The following DMD variants were observed in gnomAD, a reference collection of about 807,000 sequenced individuals.
DMD encodes mutant dystrophin.
A neutral mutation model predicts 330.1 loss-of-function variants in DMD; 63 were observed. The observed-to-expected ratio is 0.19, with a 90% CI of 0.16 to 0.24. The LOEUF is 0.24. DMD is among the 10% of genes least tolerant of loss of function. The probability of loss-of-function intolerance (pLI) is 1.00; values close to 1 mark genes in which losing one functional copy is unlikely to be tolerated. For synonymous variants in DMD, 1,223 were observed against 959.8 expected (o/e 1.27, Z -5.07); for missense variants, 3,344 against 2,684.1 (o/e 1.25, Z -5.43).
chrX:33,276,110 A>G (rs1449714884), intron 1 of DMD, among the ~76,000 whole-genome samples: 1 of 111,704 alleles, frequency 9.0e-6, no homozygotes, highest in African/African-American at 3.3e-5. Context: ...CAGGCTTGGA[A>G]TTCAAGAGAT....
intron 11 of DMD, chrX:32,641,434 A>ATATATC (rs1569367064): frequency 8.8e-6 from 1 of 114,111 alleles, no homozygotes; most frequent in African/African-American, 3.6e-5. Context: ...ATATATATAT[A>ATATATC]TATCTCACAA....
At chrX:32,288,637 C>G (rs1005636049) in intron 42 of DMD, among the ~76,000 whole-genome samples, 21 of 111,910 alleles carry the variant, frequency 1.9e-4, no homozygotes, top group African/African-American at 6.5e-4. Context: ...TCTGGTGGCT[C>G]TTCATCACAG....
intron 7 of DMD, among the ~76,000 whole-genome samples, chrX:32,705,928 T>C (rs1411378947): frequency 9.1e-6 from 1 of 109,970 alleles, no homozygotes; most frequent in Non-Finnish European, 1.9e-5. Context: ...CATGCACACG[T>C]ATGTTTACTG....
At position 31,267,966 on chromosome X, in the gene DMD, CTTTT is replaced by C. The variant is rs370492874; in HGVS notation, c.9225-6954_9225-6951del. On this transcript the variant is annotated intron_variant, in intron 62 of 78. Coordinates refer to ENST00000357033, the MANE Select transcript of DMD (RefSeq NM_004006.3). ...CCATTTATTTTGTTGGCTTGCTTTT[CTTTT>C]TATTTTCTTTCAAACATTTGCTTTC... is the stretch of plus-strand genomic sequence containing the variant. 7.4e-3 allele frequency among the ~76,000 whole-genome samples: 833 copies of C among 112,475 alleles called. 9 individuals carry two copies. The highest frequency in any genetic ancestry group is 0.025 in the African/African-American group (784 of 30,986).
chrX:31,596,483 C>T (rs1330600284), intron 55 of DMD, among the ~76,000 whole-genome samples: 3 of 111,604 alleles, frequency 2.7e-5, no homozygotes, highest in Non-Finnish European at 3.8e-5. Flanking sequence ...GAAACACTAA[C>T]GAGAATTGAG....
intron 52 of DMD, among the ~76,000 whole-genome samples, chrX:31,684,087 G>C (rs1268749715): frequency 1.8e-5 from 2 of 111,961 alleles, no homozygotes; most frequent in Admixed American, 9.5e-5. Flanking sequence ...CATGCCAAAA[G>C]TATCCATTGG....
At chrX:33,270,414 C>G (rs989969453) in intron 1 of DMD, among the ~76,000 whole-genome samples, 4 of 111,389 alleles carry the variant, frequency 3.6e-5, no homozygotes, top group African/African-American at 6.5e-5. Context: ...CTAAAAATCA[C>G]CAGGGCTGAG....
chrX:32,971,009 T>C (rs2092358319), intron 2 of DMD, among the ~76,000 whole-genome samples: 1 of 110,432 alleles, frequency 9.1e-6, no homozygotes, highest in African/African-American at 3.3e-5. Context: ...TTGCCCAGGC[T>C]GGAGTGCAGT....
At chrX:33,196,354 G>A (rs2050938307) in intron 1 of DMD, among the ~76,000 whole-genome samples, 1 of 111,385 alleles carries the variant, frequency 9.0e-6, no homozygotes, top group Non-Finnish European at 1.9e-5. Flanking sequence ...GAAAGACCTT[G>A]TACGTTAGGA....
chrX:32,419,260 C>A (rs2098179623), intron 29 of DMD, among the ~76,000 whole-genome samples: 2 of 111,683 alleles, frequency 1.8e-5, no homozygotes, highest in East Asian at 2.8e-4. Flanking sequence ...TAATTTACAA[C>A]AGAAGAAATA....
At chrX:32,082,280 A>G (rs1466855497) in intron 44 of DMD, among the ~76,000 whole-genome samples, 1 of 111,051 alleles carries the variant, frequency 9.0e-6, no homozygotes, top group African/African-American at 3.3e-5. Flanking sequence ...GCTGGAGTGC[A>G]GTGGCAGGAG....
rs1449081760 is a variant in DMD, at chrX:32,404,306, G to A, written c.4233+7446C>T. The stretch of plus-strand genomic sequence containing the variant: ...AAAAGAGAAGGAGGAAGTCTGGTCT[G>A]TAGTGGACTCTGGAACACCTGACGT... On this transcript the variant is annotated intron_variant, in intron 30 of 78. Transcript: ENST00000357033. Among the ~76,000 whole-genome samples, 4 of 111,654 alleles carry A rather than the reference G, an allele frequency of 3.6e-5. No homozygotes were observed. In the East Asian group the frequency reaches 1.1e-3, roughly 31 times the overall value.
intron 2 of DMD, among the ~76,000 whole-genome samples, chrX:32,999,960 T>G (rs1355669177): frequency 8.9e-6 from 1 of 112,530 alleles, no homozygotes; most frequent in Non-Finnish European, 1.9e-5. Context: ...TTTTGATCAC[T>G]CTCCCATGTA....
At position 32,627,152 on chromosome X, in the gene DMD, C is replaced by G. The variant is rs1224719359; in HGVS notation, c.1332-12699G>C. Among the ~76,000 whole-genome samples the G allele has an allele frequency of 1.1e-3, 64 of 60,389 alleles. 6 individuals carry two copies. Among genetic ancestry groups the G allele is most frequent in the African/African-American group, 2.9e-3 (36 of 12,341 alleles). 52.4% of individuals were successfully genotyped at this position (60,389 alleles called of 115,157 possible). A position where few individuals can be genotyped will look rare whatever the true frequency, so the allele number is the denominator to read the frequency against. ...GAACGATTGTGCCTCTTCCCCGCCCCCCCCCCCGCCCCAGGACACAGCCAT... is the reference window on the plus strand; with the variant it reads ...GAACGATTGTGCCTCTTCCCCGCCCGCCCCCCCGCCCCAGGACACAGCCAT... On this transcript the variant is annotated intron_variant, in intron 11 of 78. Transcript: ENST00000357033.
At chrX:31,601,905 T>C (rs566041759) in intron 55 of DMD, among the ~76,000 whole-genome samples, 1 of 111,205 alleles carries the variant, frequency 9.0e-6, no homozygotes, top group East Asian at 2.8e-4. Context: ...CAAGGCACTG[T>C]AGTATGATAT....
chrX:32,721,175 G>A (rs1274902840), intron 7 of DMD, among the ~76,000 whole-genome samples: 1 of 110,565 alleles, frequency 9.0e-6, no homozygotes, highest in Non-Finnish European at 1.9e-5. Flanking sequence ...TGAGAGTAAG[G>A]CTATCTCCAC....
intron 62 of DMD, among the ~76,000 whole-genome samples, chrX:31,298,505 A>G (rs781179499): frequency 1.2e-4 from 13 of 111,271 alleles, no homozygotes; most frequent in African/African-American, 2.3e-4. Flanking sequence ...ATTGTTCTCT[A>G]TTTGACTCCT....
rs1569548695 is a variant in DMD at position 33,008,830 on chromosome X, A to ATATATACACATATATGTATACGTG, written c.93+11308_93+11309insCACGTATACATATATGTGTATATA. Among the ~76,000 whole-genome samples, 471 of 61,462 alleles carry ATATATACACATATATGTATACGTG rather than the reference A, an allele frequency of 7.7e-3. 33 individuals carry two copies. The highest frequency in any genetic ancestry group is 0.03 in the African/African-American group (418 of 14,017). The allele number at this position is 61,462 out of a possible 115,157, so 53.4% of individuals were successfully genotyped here. ...TATATATACACATAAATGTATACGT[A>ATATATACACATATATGTATACGTG]TATATATACACATATATGTATACGT... On this transcript the variant is annotated intron_variant, in intron 2 of 78. Coordinates refer to ENST00000357033, the MANE Select transcript of DMD (RefSeq NM_004006.3).
At chrX:32,273,178 T>C (rs961113545) in intron 43 of DMD, among the ~76,000 whole-genome samples, 4 of 110,088 alleles carry the variant, frequency 3.6e-5, no homozygotes, top group African/African-American at 1.3e-4. Flanking sequence ...CAGAGTAAGA[T>C]GCGGGCTGAA....
Sources: gnomAD v4.1 joint callset for allele counts (sites outside exome capture counted in the v4.1 genomes callset) on GRCh38, gnomAD v4.1.1 for gene constraint, MANE v1.5 for transcripts, NCBI Gene and HGNC (gene_info 2026-07-23, HGNC 2026-07-21) for gene names.